The following LARS2 variants were observed in gnomAD, a reference collection of about 807,000 sequenced individuals.
LARS2 encodes the protein leucyl-tRNA synthetase 2, mitochondrial.
LARS2 carries 81 observed loss-of-function variants against 116.6 expected under a neutral mutation model. That is an observed-to-expected ratio of 0.69 (90% CI 0.58 to 0.84). LARS2 has a LOEUF of 0.84. Ranked by LOEUF, LARS2 falls within the 40% of genes least tolerant of loss-of-function variation. LARS2 has a pLI of 0.00. For missense variants in LARS2, 968 were observed against 1,114.5 expected, an observed-to-expected ratio of 0.87 and a Z score of 1.87; for synonymous variants, 396 against 407.2, an observed-to-expected ratio of 0.97 and a Z score of 0.33.
intron 14 of LARS2, 52 bp downstream of exon 14, chr3:45,496,425 AG>A (rs1401550903): frequency 2.5e-5 from 33 of 1,306,062 alleles, no homozygotes; most frequent in Non-Finnish European, 3.4e-5. Context: ...GGCTCCTCCT[AG>A]AAGCAAAGAC....
intron 6 of LARS2, among the ~76,000 whole-genome samples, chr3:45,443,759 G>A (rs1233537203): frequency 6.6e-6 from 1 of 152,148 alleles, no homozygotes; most frequent in East Asian, 1.9e-4. Context: ...TTTTCAAGCT[G>A]TACTCTTTTA....
chr3:45,414,822 T>C (rs1390092903), intron 4 of LARS2, among the ~76,000 whole-genome samples: 3 of 152,136 alleles, frequency 2.0e-5, no homozygotes, highest in Non-Finnish European at 2.9e-5. Context: ...GAATGGGCTG[T>C]TTTCTATAAC....
chr3:45,458,001 G>A (rs1699241252), intron 7 of LARS2, among the ~76,000 whole-genome samples: 1 of 152,160 alleles, frequency 6.6e-6, no homozygotes, highest in African/African-American at 2.4e-5. Flanking sequence ...GTTTTCTAGG[G>A]TGCTGGAAAT....
At chr3:45,460,862 C>T (rs545612054) in intron 8 of LARS2, among the ~76,000 whole-genome samples, 14 of 152,244 alleles carry the variant, frequency 9.2e-5, no homozygotes, top group Non-Finnish European at 1.6e-4. Context: ...AAAATAGACT[C>T]ATTTTAATAA....
At chr3:45,542,474 TATAG>T (rs763858466) in intron 21 of LARS2, among the ~76,000 whole-genome samples, 2 of 152,232 alleles carry the variant, frequency 1.3e-5, no homozygotes, top group Non-Finnish European at 2.9e-5. Context: ...GTAACCCCCT[TATAG>T]TTTATCCTAT....
At chr3:45,527,334 A>G (rs569967156) in intron 20 of LARS2, among the ~76,000 whole-genome samples, 2 of 152,084 alleles carry the variant, frequency 1.3e-5, no homozygotes, top group Non-Finnish European at 2.9e-5. Flanking sequence ...ATCTTAAGAA[A>G]TCTTATCTTG....
intron 1 of LARS2, among the ~76,000 whole-genome samples, chr3:45,390,089 C>T (rs757839713): frequency 3.0e-4 from 45 of 151,968 alleles, no homozygotes; most frequent in Non-Finnish European, 4.7e-4. Context: ...GCCCCCCACC[C>T]CCCAAAAAAA....
intron 4 of LARS2, among the ~76,000 whole-genome samples, chr3:45,409,270 C>A (rs1165130550): frequency 6.6e-6 from 1 of 151,924 alleles, no homozygotes; most frequent in African/African-American, 2.4e-5. Context: ...AGTCCAGTTA[C>A]TTTTTCAACT....
At chr3:45,430,424 G>T (rs1302759820) in intron 6 of LARS2, among the ~76,000 whole-genome samples, 2 of 149,832 alleles carry the variant, frequency 1.3e-5, no homozygotes, top group South Asian at 2.1e-4. Context: ...GACTACAGGC[G>T]CCTGCCACCA....
At chr3:45,500,378 C>CTTGTGTAAATTAAAATTG (rs1350194989) in intron 14 of LARS2, 64 bp from the exon 15 acceptor site, 3 of 1,479,382 alleles carry the variant, frequency 2.0e-6, no homozygotes, top group Non-Finnish European at 1.9e-6. Context: ...TACAATAGGC[C>CTTGTGTAAATTAAAATTG]TGTTTAATTT....
chr3:45,529,357 G>A (rs1007054049), intron 20 of LARS2, among the ~76,000 whole-genome samples: 8 of 151,858 alleles, frequency 5.3e-5, no homozygotes, highest in African/African-American at 9.7e-5. Flanking sequence ...ACCTGAGGTC[G>A]GGAGTTCGAG....
chr3:45,548,909 T>C lies in LARS2; in HGVS notation c.*1379T>C, dbSNP rs774588680. 6.6e-6 allele frequency: 1 copy of C among 152,184 alleles called. No individual in the cohort carries two copies. The highest frequency in any genetic ancestry group is 1.5e-5 in the Non-Finnish European group (1 of 68,034). The allele number at this position is 152,184 out of a possible 1,614,324, so 9.4% of individuals were successfully genotyped here. A position where few individuals can be genotyped will look rare whatever the true frequency, so the allele number is the denominator to read the frequency against. On this transcript the variant is annotated 3_prime_UTR_variant, in exon 22 of 22. Coordinates refer to ENST00000645846, the MANE Select transcript of LARS2 (RefSeq NM_015340.4). ...AGAGTTAATTACAAACAGATTGAGG[T>C]ATTCCATCATCATCGGAAGCATTGG... is the stretch of plus-strand genomic sequence containing the variant.
chr3:45,475,329 CA>C (rs1460514012), intron 9 of LARS2, among the ~76,000 whole-genome samples: 3 of 152,332 alleles, frequency 2.0e-5, no homozygotes, highest in African/African-American at 7.2e-5. Flanking sequence ...ACTCCAACTG[CA>C]AACATGGAAA....
chr3:45,454,191 CA>C (rs1211003267), intron 7 of LARS2, among the ~76,000 whole-genome samples: 1 of 152,178 alleles, frequency 6.6e-6, no homozygotes, highest in Non-Finnish European at 1.5e-5. Flanking sequence ...ATACTGCCCA[CA>C]TGATCCCCAA....
At chr3:45,403,327 G>GT (rs1407435381) in intron 4 of LARS2, among the ~76,000 whole-genome samples, 1 of 151,262 alleles carries the variant, frequency 6.6e-6, no homozygotes, top group Non-Finnish European at 1.5e-5. Flanking sequence ...TTTTTTGTTT[G>GT]TTTTTTGAGG....
At chr3:45,528,272 G>A (rs1310099176) in intron 20 of LARS2, among the ~76,000 whole-genome samples, 1 of 152,134 alleles carries the variant, frequency 6.6e-6, no homozygotes, top group Non-Finnish European at 1.5e-5. Flanking sequence ...AGGAGTTCAC[G>A]GCTGCAGTGA....
At chr3:45,539,258 G>A (rs1383581435) in intron 20 of LARS2, among the ~76,000 whole-genome samples, 1 of 151,986 alleles carries the variant, frequency 6.6e-6, no homozygotes, top group African/African-American at 2.4e-5. Flanking sequence ...CTCACAGGAC[G>A]AAAAAATGTT....
Position 45,474,238 on chromosome 3 carries a change from C to T in LARS2, c.751-5C>T, listed in dbSNP as rs751095032. On this transcript the variant is annotated splice_region_variant and splice_polypyrimidine_tract_variant and intron_variant, in intron 8 of 21. Coordinates refer to ENST00000645846, the MANE Select transcript of LARS2 (RefSeq NM_015340.4). ...TACTTCTTTGTTCTCCTTTCATTTG[C>T]ACAGGCCATGCAGGACGCGTTGGCA... 2 of 1,578,262 alleles carry T rather than the reference C, an allele frequency of 1.3e-6. No individual in the cohort carries two copies. Among genetic ancestry groups the T allele is most frequent in the East Asian group, 2.3e-5 (1 of 44,322 alleles).
In LARS2 at chr3:45,417,567, C is replaced by T; in HGVS notation, c.449C>T (p.Thr150Ile). Residue 150 changes from threonine to isoleucine, a missense_variant, in exon 5 of 22, where the codon ACA (threonine) becomes ATA (isoleucine). Transcript: ENST00000645846. ...AGGAATCTACATCCACAAAGTTGGA[C>T]ACAAAGGTAAGTGTTTACAGGCATA... ...VERNLHPQSW[T>I]QSNIKHMRKQ... 8 of 1,613,200 alleles carry T rather than the reference C, an allele frequency of 5.0e-6. No individual in the cohort carries two copies. The highest frequency in any genetic ancestry group is 6.8e-6 in the Non-Finnish European group (8 of 1,179,160).
Sources: allele counts gnomAD v4.1 joint callset (sites outside exome capture counted in the v4.1 genomes callset), GRCh38; gene constraint gnomAD v4.1.1; transcripts MANE v1.5; gene names NCBI Gene and HGNC (gene_info 2026-07-23, HGNC 2026-07-21).